The following SRGAP1 variants were observed in gnomAD, a reference collection of about 807,000 sequenced individuals.
The protein encoded by SRGAP1 is SLIT-ROBO Rho GTPase activating protein 1.
SRGAP1 carries 43 observed loss-of-function variants against 121.9 expected under a neutral mutation model. That is an observed-to-expected ratio of 0.35 (90% CI 0.28 to 0.46). SRGAP1 has a LOEUF of 0.46. Among genes scored for constraint, SRGAP1 ranks in the 20% least tolerant of loss-of-function variants. The pLI is 1.00. For missense variants in SRGAP1, 1,102 were observed against 1,350.9 expected, an observed-to-expected ratio of 0.82 and a Z score of 2.89; for synonymous variants, 447 against 485.4, an observed-to-expected ratio of 0.92 and a Z score of 1.04.
intron 1 of SRGAP1, among the ~76,000 whole-genome samples, chr12:63,895,508 A>G (rs1900724460): frequency 6.6e-6 from 1 of 152,212 alleles, no homozygotes; most frequent in African/African-American, 2.4e-5. Context: ...CATCATAGAA[A>G]TGTCTATTAG....
chr12:63,946,541 C>CT (rs35628309), intron 1 of SRGAP1, among the ~76,000 whole-genome samples: 107 of 138,552 alleles, frequency 7.7e-4, no homozygotes, highest in East Asian at 1.7e-3. Context: ...CTTTTGTATT[C>CT]TTTTTTTTTT....
rs1161126568 is a variant in SRGAP1 at position 64,161,484 on chromosome 12, C to T, written c.*18812C>T. ...TTTCTGCTCTCATGCTTTTAATTTC[C>T]AAAAGCTCTTTTTGTGAGCTGGCTG... On this transcript the variant is annotated 3_prime_UTR_variant, in exon 22 of 22. Coordinates refer to ENST00000355086, the MANE Select transcript of SRGAP1 (RefSeq NM_020762.4). 1.3e-5 allele frequency: 2 copies of T among 152,088 alleles called. No individual in the cohort carries two copies. Among genetic ancestry groups the T allele is most frequent in the South Asian group, 2.1e-4 (1 of 4,816 alleles). 9.4% of individuals were successfully genotyped at this position (152,088 alleles called of 1,614,324 possible).
At chr12:64,003,076 G>T (rs2033955237) in intron 3 of SRGAP1, among the ~76,000 whole-genome samples, 1 of 138,374 alleles carries the variant, frequency 7.2e-6, no homozygotes. Flanking sequence ...GGGAGGGAGG[G>T]AGGAAGGGAG....
chr12:63,893,459 A>G (rs1900653154), intron 1 of SRGAP1, among the ~76,000 whole-genome samples: 1 of 152,226 alleles, frequency 6.6e-6, no homozygotes, highest in African/African-American at 2.4e-5. Flanking sequence ...GGAAAAGAAT[A>G]AAGTAAGTTT....
At chr12:64,055,082 A>G (rs1030660846) in intron 6 of SRGAP1, among the ~76,000 whole-genome samples, 4 of 151,580 alleles carry the variant, frequency 2.6e-5, no homozygotes, top group Non-Finnish European at 5.9e-5. Context: ...TGCAGACGAC[A>G]TGATTGTATA....
chr12:63,995,581 A>G (rs2033675367), intron 3 of SRGAP1, among the ~76,000 whole-genome samples: 1 of 152,180 alleles, frequency 6.6e-6, no homozygotes, highest in Non-Finnish European at 1.5e-5. Context: ...AGTCATTCTT[A>G]TGAAAAGACT....
intron 21 of SRGAP1, among the ~76,000 whole-genome samples, chr12:64,133,386 C>T (rs1215390411): frequency 6.6e-6 from 1 of 152,058 alleles, no homozygotes; most frequent in Non-Finnish European, 1.5e-5. Context: ...AGTCTGGGGA[C>T]CCATTAGACT....
At chr12:63,932,247 C>A (rs2031503272) in intron 1 of SRGAP1, among the ~76,000 whole-genome samples, 1 of 152,188 alleles carries the variant, frequency 6.6e-6, no homozygotes, top group Non-Finnish European at 1.5e-5. Flanking sequence ...CACCACTGCA[C>A]TCTAGCCTGG....
Position 64,158,492 on chromosome 12 carries a change from T to TTGA in SRGAP1, c.*15822_*15824dup, listed in dbSNP as rs1002138079. 6.6e-6 allele frequency: 1 copy of TTGA among 152,154 alleles called. No individual in the cohort carries two copies. Among genetic ancestry groups the TTGA allele is most frequent in the African/African-American group, 2.4e-5 (1 of 41,426 alleles). 9.4% of individuals were successfully genotyped at this position (152,154 alleles called of 1,614,324 possible). A position where few individuals can be genotyped will look rare whatever the true frequency, so the allele number is the denominator to read the frequency against. ...ACATAGAATTAAATTAAAATCAGTATTGATTGGATTATGCTTTGATAAAAA... is the reference window on the plus strand; with the variant it reads ...ACATAGAATTAAATTAAAATCAGTATTGATGATTGGATTATGCTTTGATAAAAA... On this transcript the variant is annotated 3_prime_UTR_variant, in exon 22 of 22. Transcript: ENST00000355086.
intron 16 of SRGAP1, among the ~76,000 whole-genome samples, chr12:64,110,367 C>CA (rs1168438243): frequency 6.6e-6 from 1 of 152,184 alleles, no homozygotes. Context: ...TCATGCATCT[C>CA]AAAGAATGGC....
chr12:63,894,663 T>C (rs1214313275), intron 1 of SRGAP1, among the ~76,000 whole-genome samples: 1 of 152,120 alleles, frequency 6.6e-6, no homozygotes, highest in Non-Finnish European at 1.5e-5. Context: ...GATGTTCCCC[T>C]TCTTGTGTCC....
At chr12:63,855,648 C>T (rs141214131) in intron 1 of SRGAP1, among the ~76,000 whole-genome samples, 2,426 of 151,592 alleles carry the variant, frequency 0.016, 32 homozygotes, top group Non-Finnish European at 0.026. Flanking sequence ...CCACCACACC[C>T]GGCTGATTTT....
intron 1 of SRGAP1, among the ~76,000 whole-genome samples, chr12:63,867,296 G>A (rs1899669737): frequency 6.6e-6 from 1 of 152,176 alleles, no homozygotes; most frequent in Admixed American, 6.5e-5. Flanking sequence ...AGTAGTGCTG[G>A]TCTGCACCAT....
chr12:63,969,907 T>C (rs745862895), intron 1 of SRGAP1, among the ~76,000 whole-genome samples: 3 of 152,184 alleles, frequency 2.0e-5, no homozygotes, highest in Non-Finnish European at 4.4e-5. Flanking sequence ...ATTTGGTGAC[T>C]TCCTGAAGAC....
chr12:64,005,588 G>A (rs949668521), intron 3 of SRGAP1, among the ~76,000 whole-genome samples: 2 of 152,124 alleles, frequency 1.3e-5, no homozygotes, highest in African/African-American at 4.8e-5. Flanking sequence ...CAAGGCTGCA[G>A]TGAGCTATGA....
chr12:63,979,307 G>A (rs927520649), intron 1 of SRGAP1, among the ~76,000 whole-genome samples: 1 of 151,950 alleles, frequency 6.6e-6, no homozygotes, highest in Non-Finnish European at 1.5e-5. Flanking sequence ...CAAAGTGCTG[G>A]GATTACAGGC....
intron 1 of SRGAP1, among the ~76,000 whole-genome samples, chr12:63,957,863 A>C (rs2032521762): frequency 6.6e-6 from 1 of 152,124 alleles, no homozygotes; most frequent in South Asian, 2.1e-4. Context: ...TGAGTGATAT[A>C]AAAAAATCTC....
In SRGAP1 at chr12:64,127,811, C is replaced by T. The variant is rs774133282; in HGVS notation, c.2541-50C>T. On this transcript the variant is annotated intron_variant, in intron 20 of 21. Transcript: ENST00000355086. ...ACTGCACCTCAGCCTTGCAGTACTG[C>T]CCGGTGTGATAAGCTCTTCTGTTTT... 3 of 1,599,094 alleles carry T rather than the reference C, an allele frequency of 1.9e-6. No homozygotes were observed. The East Asian group carries it at 6.7e-5, about 36-fold the overall frequency.
chr12:63,916,145 A>G (rs1215911355), intron 1 of SRGAP1, among the ~76,000 whole-genome samples: 2 of 142,956 alleles, frequency 1.4e-5, no homozygotes, highest in Non-Finnish European at 3.0e-5. Flanking sequence ...CGATCCTCCC[A>G]CCTCACCCTC....
Sources: gnomAD v4.1 joint callset for allele counts (sites outside exome capture counted in the v4.1 genomes callset) on GRCh38, gnomAD v4.1.1 for gene constraint, MANE v1.5 for transcripts, NCBI Gene and HGNC (gene_info 2026-07-23, HGNC 2026-07-21) for gene names.